Variants in TANC1 observed in about 807,000 individuals in gnomAD.
TANC1 encodes tetratricopeptide repeat, ankyrin repeat and coiled-coil containing 1.
Under a neutral mutation model 149.7 loss-of-function variants are expected in TANC1, and 77 were observed. The ratio of observed to expected loss-of-function variants is 0.51; its 90% CI spans 0.43 to 0.62. The LOEUF (loss-of-function observed/expected upper bound fraction) is 0.62, where lower values mean the gene tolerates loss of function less well. Ranked by LOEUF, TANC1 falls within the 20% of genes least tolerant of loss-of-function variation. The pLI is 0.00. For missense variants in TANC1, 1,985 were observed against 2,321.8 expected, an observed-to-expected ratio of 0.85 and a Z score of 2.98; for synonymous variants, 854 against 925.0, an observed-to-expected ratio of 0.92 and a Z score of 1.39.
intron 19 of TANC1, among the ~76,000 whole-genome samples, chr2:159,207,195 C>T (rs1381478022): frequency 2.6e-5 from 4 of 152,208 alleles, no homozygotes; most frequent in South Asian, 2.1e-4. Context: ...AATTGAGCTA[C>T]TACTGTGGCT....
At chr2:159,197,566 A>G (rs985311345) in intron 18 of TANC1, among the ~76,000 whole-genome samples, 1 of 152,190 alleles carries the variant, frequency 6.6e-6, no homozygotes, top group Admixed American at 6.5e-5. Flanking sequence ...ACACACAAGC[A>G]TGAAATAGTG....
chr2:159,015,619 T>C (rs1000899803), intron 2 of TANC1, among the ~76,000 whole-genome samples: 25 of 152,358 alleles, frequency 1.6e-4, no homozygotes, highest in African/African-American at 5.8e-4. Context: ...GATGCTCTGC[T>C]TCCCTTATAA....
At chr2:159,213,424 C>T (rs1305935524) in intron 19 of TANC1, among the ~76,000 whole-genome samples, 1 of 151,820 alleles carries the variant, frequency 6.6e-6, no homozygotes, top group Non-Finnish European at 1.5e-5. Flanking sequence ...GGAACCCCCC[C>T]ACCTCTGTCT....
At chr2:158,979,583 A>G (rs914026423) in intron 1 of TANC1, among the ~76,000 whole-genome samples, 1 of 152,090 alleles carries the variant, frequency 6.6e-6, no homozygotes, top group African/African-American at 2.4e-5. Flanking sequence ...TGGAAACCCT[A>G]AGTACCAACT....
chr2:159,108,398 T>C (rs894962567), intron 4 of TANC1, among the ~76,000 whole-genome samples: 3 of 152,216 alleles, frequency 2.0e-5, no homozygotes, highest in African/African-American at 7.2e-5. Context: ...AGTCACACTT[T>C]ACAGCAGTGT....
chr2:159,035,367 T>C (rs1273302671), intron 2 of TANC1, among the ~76,000 whole-genome samples: 1 of 152,228 alleles, frequency 6.6e-6, no homozygotes, highest in Non-Finnish European at 1.5e-5. Context: ...TGAGAATATT[T>C]TGTGGTGTAA....
rs758557986 is a variant in TANC1, at chr2:159,150,575, G to A, written c.682+19G>A. ...ATTATAGGTAAGAAGCACACTGCTC[G>A]GTAACATAATGGCTCGAATCTCATC... is the stretch of plus-strand genomic sequence containing the variant. On this transcript the variant is annotated intron_variant, in intron 7 of 26. Transcript: ENST00000263635. The A allele has an allele frequency of 1.1e-5, 17 of 1,589,804 alleles. No homozygotes were observed. In the Middle Eastern group the frequency reaches 8.3e-4, roughly 78 times the overall value.
chr2:159,230,911 G>GA lies in TANC1; in HGVS notation c.5488dup (p.Ser1830LysfsTer10). 4 of 1,614,192 alleles carry GA rather than the reference G, an allele frequency of 2.5e-6. No homozygotes were observed. The highest frequency in any genetic ancestry group is 3.4e-6 in the Non-Finnish European group (4 of 1,180,034). On this transcript the variant is annotated frameshift_variant, in exon 27 of 27. Coordinates refer to ENST00000263635, the MANE Select transcript of TANC1 (RefSeq NM_033394.3). LOFTEE classifies it high-confidence loss of function. The surrounding 1 kb of genome is among the most constrained non-coding windows in gnomAD (Gnocchi z 4.4). ...TAAGACTGTTTCTCATCTGTACCAG[G>GA]AAAGTATCTCCAAACAGCAGCCTCA...
At chr2:159,142,056 G>A (rs913535354) in intron 5 of TANC1, among the ~76,000 whole-genome samples, 1 of 152,214 alleles carries the variant, frequency 6.6e-6, no homozygotes, top group Admixed American at 6.5e-5. Context: ...TTATAGGTAT[G>A]TGATAAGGAA....
intron 2 of TANC1, among the ~76,000 whole-genome samples, chr2:159,026,495 G>A: frequency 6.6e-6 from 1 of 152,130 alleles, no homozygotes; most frequent in East Asian, 1.9e-4. Flanking sequence ...ATTATGTGCT[G>A]TTTTCCATTG....
chr2:158,999,841 C>T (rs2036469355), intron 1 of TANC1, among the ~76,000 whole-genome samples: 1 of 152,148 alleles, frequency 6.6e-6, no homozygotes. Context: ...GACAATATAG[C>T]CTCTGTTCTC....
chr2:159,202,949 A>G (rs560389823), intron 19 of TANC1, among the ~76,000 whole-genome samples: 1 of 152,120 alleles, frequency 6.6e-6, no homozygotes, highest in Non-Finnish European at 1.5e-5. Context: ...TGGTGACCTC[A>G]TGCTGCTGTG....
chr2:159,017,259 C>T (rs2038374581), intron 2 of TANC1, among the ~76,000 whole-genome samples: 1 of 152,100 alleles, frequency 6.6e-6, no homozygotes, highest in South Asian at 2.1e-4. Flanking sequence ...ATCAAGCTGC[C>T]AGGTAGTTCT....
intron 2 of TANC1, among the ~76,000 whole-genome samples, chr2:159,023,017 A>T (rs1395957536): frequency 6.6e-6 from 1 of 152,150 alleles, no homozygotes; most frequent in Non-Finnish European, 1.5e-5. Flanking sequence ...ACATGGTTTC[A>T]TATATAAATA....
chr2:158,979,493 CA>C (rs796120375), intron 1 of TANC1, among the ~76,000 whole-genome samples: 20 of 124,838 alleles, frequency 1.6e-4, no homozygotes, highest in African/African-American at 1.5e-4. Context: ...GTCCTTATCT[CA>C]AAAAAAAAAG....
At chr2:159,153,752 T>TC (rs1204060837) in intron 7 of TANC1, among the ~76,000 whole-genome samples, 7 of 152,126 alleles carry the variant, frequency 4.6e-5, no homozygotes, top group African/African-American at 1.7e-4. Context: ...GAGCAGGTTA[T>TC]CTATGACTCA....
intron 1 of TANC1, among the ~76,000 whole-genome samples, chr2:159,000,220 G>A (rs1261947951): frequency 6.6e-6 from 1 of 152,158 alleles, no homozygotes; most frequent in Non-Finnish European, 1.5e-5. Context: ...GTGGAAGGGA[G>A]CTGTGAAGAA....
At chr2:159,100,884 A>T (rs1446831714) in intron 4 of TANC1, among the ~76,000 whole-genome samples, 1 of 152,174 alleles carries the variant, frequency 6.6e-6, no homozygotes, top group Non-Finnish European at 1.5e-5. Flanking sequence ...ATTTAAAAAA[A>T]AAACTGACAT....
At chr2:159,228,112 GCTC>G (rs1419076227) in intron 25 of TANC1, 147 bp downstream of exon 25, 8 of 825,144 alleles carry the variant, frequency 9.7e-6, no homozygotes, top group Admixed American at 2.6e-5. Flanking sequence ...GTGGGAAACA[GCTC>G]CTATCCGTGA....
Sources: gnomAD v4.1 joint callset for allele counts (sites outside exome capture counted in the v4.1 genomes callset) on GRCh38, gnomAD v4.1.1 for gene constraint, Gnocchi (gnomAD v3.1) non-coding constraint, MANE v1.5 for transcripts, NCBI Gene and HGNC (gene_info 2026-07-23, HGNC 2026-07-21) for gene names.